Variants in STIM2 observed in about 807,000 individuals in gnomAD.
STIM2 encodes the protein stromal interaction molecule 2.
STIM2 carries 31 observed loss-of-function variants against 85.8 expected under a neutral mutation model. The observed-to-expected ratio is 0.36, with a 90% CI of 0.27 to 0.49. STIM2 has a LOEUF of 0.49. Ranked by LOEUF, STIM2 falls within the 20% of genes least tolerant of loss-of-function variation. STIM2 has a pLI of 0.98. For synonymous variants in STIM2, 356 were observed against 331.1 expected (o/e 1.08, Z -0.82); for missense variants, 841 against 927.6 (o/e 0.91, Z 1.21).
chr4:26,917,423 T>C (rs751290854), intron 1 of STIM2, among the ~76,000 whole-genome samples: 2 of 152,140 alleles, frequency 1.3e-5, no homozygotes, highest in Non-Finnish European at 2.9e-5. Context: ...TAGATAGTTG[T>C]TGAGTGGATT....
chr4:26,862,948 G>T (rs577612509), intron 1 of STIM2, among the ~76,000 whole-genome samples: 1 of 152,310 alleles, frequency 6.6e-6, no homozygotes, highest in South Asian at 2.1e-4. Flanking sequence ...GGTATAAGTG[G>T]TTCTAGGTTT....
At chr4:26,884,098 C>A (rs557390883) in intron 1 of STIM2, among the ~76,000 whole-genome samples, 1 of 152,304 alleles carries the variant, frequency 6.6e-6, no homozygotes, top group Non-Finnish European at 1.5e-5. Flanking sequence ...AAGGTGCTCA[C>A]TGTAGAACTC....
At chr4:26,870,786 A>T (rs1461127767) in intron 1 of STIM2, among the ~76,000 whole-genome samples, 1 of 152,202 alleles carries the variant, frequency 6.6e-6, no homozygotes, top group African/African-American at 2.4e-5. Context: ...GTGATGATAC[A>T]TTGTGATAAG....
intron 7 of STIM2, among the ~76,000 whole-genome samples, chr4:27,005,220 A>G (rs762212726): frequency 2.6e-5 from 4 of 152,206 alleles, no homozygotes; most frequent in Non-Finnish European, 5.9e-5. Flanking sequence ...TTTTTTATAT[A>G]GTGTTATTTT....
At chr4:26,963,354 T>A (rs1726555145) in intron 3 of STIM2, among the ~76,000 whole-genome samples, 1 of 152,176 alleles carries the variant, frequency 6.6e-6, no homozygotes, top group Non-Finnish European at 1.5e-5. Context: ...CACCAGCTCT[T>A]TAAAGTGTAT....
intron 10 of STIM2, among the ~76,000 whole-genome samples, chr4:27,013,199 C>T (rs948616126): frequency 7.3e-6 from 1 of 137,784 alleles, no homozygotes; most frequent in African/African-American, 2.8e-5. Flanking sequence ...TTCTAGTTAC[C>T]TGTGGTCAAC....
chr4:27,018,274 T>G (rs952350931), intron 11 of STIM2, among the ~76,000 whole-genome samples: 12 of 152,276 alleles, frequency 7.9e-5, no homozygotes, highest in African/African-American at 2.9e-4. Flanking sequence ...TTCATGTGGT[T>G]GTGGCGAACT....
At chr4:26,959,399 T>G (rs574268752) in intron 3 of STIM2, among the ~76,000 whole-genome samples, 4 of 152,282 alleles carry the variant, frequency 2.6e-5, no homozygotes, top group African/African-American at 9.6e-5. Context: ...CCACCCTGTT[T>G]AACATTGCTA....
At chr4:26,952,891 A>G (rs1201674846) in intron 2 of STIM2, among the ~76,000 whole-genome samples, 1 of 152,144 alleles carries the variant, frequency 6.6e-6, no homozygotes, top group Non-Finnish European at 1.5e-5. Flanking sequence ...AGAATACATT[A>G]CTGACTCTCT....
chr4:26,967,142 A>G (rs142157624), intron 3 of STIM2, among the ~76,000 whole-genome samples: 10 of 152,330 alleles, frequency 6.6e-5, no homozygotes, highest in Middle Eastern at 6.8e-3. Flanking sequence ...ATAGAGGGAA[A>G]TTTATCGTTT....
chr4:26,889,735 T>A (rs563723200), intron 1 of STIM2, among the ~76,000 whole-genome samples: 1 of 152,228 alleles, frequency 6.6e-6, no homozygotes, highest in Admixed American at 6.5e-5. Context: ...CTCCTTCCTA[T>A]GGCCTCTTCG....
At chr4:26,946,736 T>C (rs1457189618) in intron 2 of STIM2, among the ~76,000 whole-genome samples, 1 of 152,256 alleles carries the variant, frequency 6.6e-6, no homozygotes, top group East Asian at 1.9e-4. Flanking sequence ...AAAGGATGCA[T>C]AGACATAAAA....
chr4:26,910,174 A>G (rs1577432054), intron 1 of STIM2, among the ~76,000 whole-genome samples: 1 of 152,262 alleles, frequency 6.6e-6, no homozygotes, highest in East Asian at 1.9e-4. Flanking sequence ...CTACAATGTT[A>G]TATACAGAAA....
At chr4:26,960,079 T>C (rs1410504394) in intron 3 of STIM2, among the ~76,000 whole-genome samples, 1 of 152,180 alleles carries the variant, frequency 6.6e-6, no homozygotes, top group African/African-American at 2.4e-5. Context: ...GGGGTATTGT[T>C]GCCAGAGCAC....
At chr4:26,932,228 A>G (rs1160314979) in intron 2 of STIM2, among the ~76,000 whole-genome samples, 1 of 152,190 alleles carries the variant, frequency 6.6e-6, no homozygotes, top group Non-Finnish European at 1.5e-5. Flanking sequence ...CTTGACTTCT[A>G]GTGTTTCTTG....
Position 26,860,929 on chromosome 4 carries a change from T to G in STIM2, c.-290T>G. On this transcript the variant is annotated 5_prime_UTR_variant, in exon 1 of 12. Transcript: ENST00000467087. ...CGTACCTTTCTACCCCCCACCTTTTTTTTTTTTTTTTTTAAATAACCGGAA... is the reference window on the plus strand; with the variant it reads ...CGTACCTTTCTACCCCCCACCTTTTGTTTTTTTTTTTTTAAATAACCGGAA... The G allele has an allele frequency of 1.8e-6, 2 of 1,105,876 alleles. No individual in the cohort carries two copies. Among genetic ancestry groups the G allele is most frequent in the East Asian group, 9.2e-5 (1 of 10,870 alleles). 68.5% of individuals were successfully genotyped at this position (1,105,876 alleles called of 1,614,324 possible). A position where few individuals can be genotyped will look rare whatever the true frequency, so the allele number is the denominator to read the frequency against.
At chr4:26,882,804 G>A (rs932474596) in intron 1 of STIM2, among the ~76,000 whole-genome samples, 3 of 150,480 alleles carry the variant, frequency 2.0e-5, no homozygotes, top group Non-Finnish European at 4.4e-5. Context: ...AAATCCAGGT[G>A]CTATCTGTGT....
intron 1 of STIM2, chr4:26,881,544 A>G (rs1460961484): frequency 1.3e-5 from 2 of 152,118 alleles, no homozygotes; most frequent in South Asian, 2.1e-4. Flanking sequence ...CTGTAAAGCA[A>G]GAGAGCCCTC....
At chr4:27,021,553 G>T (rs796234084) in intron 11 of STIM2, 1 of 456,758 alleles carries the variant, frequency 2.2e-6, no homozygotes, top group African/African-American at 2.0e-5. Flanking sequence ...GGCCTGGTAC[G>T]CTTTGACAAG....
Sources: allele counts gnomAD v4.1 joint callset (sites outside exome capture counted in the v4.1 genomes callset), GRCh38; gene constraint gnomAD v4.1.1; transcripts MANE v1.5; gene names NCBI Gene and HGNC (gene_info 2026-07-23, HGNC 2026-07-21).